Variants in TALDO1 observed in about 807,000 individuals in gnomAD.
TALDO1 encodes transaldolase.
In TALDO1, 29 loss-of-function variants were observed where a neutral mutation model predicts 38.1. The ratio of observed to expected loss-of-function variants is 0.76; its 90% CI spans 0.57 to 1.04. The LOEUF is 1.04. Among genes scored for constraint, TALDO1 ranks in the 50% least tolerant of loss-of-function variants. The pLI is 0.00. For missense variants in TALDO1, 499 were observed against 438.1 expected (o/e 1.14, Z -1.24); for synonymous variants, 207 against 176.8 (o/e 1.17, Z -1.36).
rs762549496 is a variant in TALDO1, at chr11:763,852, C to A, written c.743C>A (p.Ala248Asp). Reference protein sequence around the residue: ...FRNTGEIKALAGCDFLTISPK... With the variant: ...FRNTGEIKALDGCDFLTISPK... Reference sequence around the variant, plus strand: ...AACACGGGCGAGATCAAAGCACTGGCCGGCTGTGACTTCCTCACCATCTCA... The same window carrying A: ...AACACGGGCGAGATCAAAGCACTGGACGGCTGTGACTTCCTCACCATCTCA... The change falls in exon 6 of 8, where the codon GCC becomes GAC. Residue 248 changes from alanine (A) to aspartate (D), a missense_variant. Transcript: ENST00000319006. 5.1e-5 allele frequency: 82 copies of A among 1,613,894 alleles called. No individual in the cohort carries two copies. The highest frequency in any genetic ancestry group is 4.2e-6 in the Non-Finnish European group (5 of 1,180,038).
At chr11:762,357 CTT>C (rs1166838783) in intron 4 of TALDO1, among the ~76,000 whole-genome samples, 1 of 152,330 alleles carries the variant, frequency 6.6e-6, no homozygotes, top group African/African-American at 2.4e-5. Context: ...GTTTCCATCT[CTT>C]GAGCTGTGAT....
In TALDO1 at chr11:763,257, G is replaced by A. The variant is rs1228521439; in HGVS notation, c.462-87G>A. ...CCCGCCCCCGCCCTCACCCATCCCC[G>A]CCCTCACCGTCCCCGCCCTCACCCG... On this transcript the variant is annotated intron_variant, in intron 4 of 7. Coordinates refer to ENST00000319006, the MANE Select transcript of TALDO1 (RefSeq NM_006755.2). 13 of 91,036 alleles carry A rather than the reference G, an allele frequency of 1.4e-4. No individual in the cohort carries two copies. The African/African-American group carries it at 1.7e-3, about 12-fold the overall frequency. The allele number at this position is 91,036 out of a possible 1,614,324, so 5.6% of individuals were successfully genotyped here. A position where few individuals can be genotyped will look rare whatever the true frequency, so the allele number is the denominator to read the frequency against.
chr11:763,314 GCCCCGCCCTCA>G lies in TALDO1; in HGVS notation c.462-27_462-17del. On this transcript the variant is annotated intron_variant, in intron 4 of 7. Transcript: ENST00000319006. ...CCCTCACCTGTCCCCGCCCTCACCT[GCCCCGCCCTCA>G]CCTGTCCCCGCCCCGCAGGGAGCTC... 1 of 568,286 alleles carries G rather than the reference GCCCCGCCCTCA, an allele frequency of 1.8e-6. No individual in the cohort carries two copies. The allele number at this position is 568,286 out of a possible 1,614,324, so 35.2% of individuals were successfully genotyped here.
At chr11:764,032 T>G in intron 6 of TALDO1, 88 bp downstream of exon 6, 1 of 1,495,860 alleles carries the variant, frequency 6.7e-7, no homozygotes, top group Non-Finnish European at 9.0e-7. Flanking sequence ...CCCTCCCACC[T>G]GTGGGGCGAG....
chr11:749,224 G>A lies in TALDO1; in HGVS notation c.97+1646G>A, dbSNP rs1420160771. On this transcript the variant is annotated intron_variant, in intron 1 of 7. Coordinates refer to ENST00000319006, the MANE Select transcript of TALDO1 (RefSeq NM_006755.2). ...TCGAGACCAGCCTGACCAACATGGT[G>A]AAACCCCGTCTCTACTAAAAATACA... 1.8e-4 allele frequency among the ~76,000 whole-genome samples: 28 copies of A among 152,130 alleles called. No individual in the cohort carries two copies. In the East Asian group the frequency reaches 5.4e-3, roughly 29 times the overall value.
At position 747,516 on chromosome 11, in the gene TALDO1, A is replaced by C; in HGVS notation, c.35A>C (p.Glu12Ala). Residue 12 changes from glutamate (E) to alanine (A), a missense_variant, in exon 1 of 8, where the codon GAG (glutamate) becomes GCG (alanine). Glu to Ala is a moderately radical substitution (Grantham distance 107). Coordinates refer to ENST00000319006, the MANE Select transcript of TALDO1 (RefSeq NM_006755.2). ...SSSPVKRQRM[E>A]SALDQLKQFT... ...TCACCCGTGAAGCGTCAGAGGATGGAGTCCGCGCTGGACCAGCTCAAGCAG... is the reference window on the plus strand; with the variant it reads ...TCACCCGTGAAGCGTCAGAGGATGGCGTCCGCGCTGGACCAGCTCAAGCAG... The C allele has an allele frequency of 6.2e-7, 1 of 1,600,564 alleles. No individual in the cohort carries two copies. Among genetic ancestry groups the C allele is most frequent in the South Asian group, 1.1e-5 (1 of 89,072 alleles).
chr11:750,694 G>A (rs186991483), intron 1 of TALDO1, among the ~76,000 whole-genome samples: 41 of 152,014 alleles, frequency 2.7e-4, no homozygotes, highest in Admixed American at 6.6e-4. Context: ...GCGTGGTGGC[G>A]GGCGCCTGTA....
chr11:757,204 G>C (rs1384963225), intron 2 of TALDO1, among the ~76,000 whole-genome samples: 1 of 151,998 alleles, frequency 6.6e-6, no homozygotes, highest in Non-Finnish European at 1.5e-5. Context: ...AGGCCTTGGT[G>C]CTCCTGTTAT....
rs1048048191 is a variant in TALDO1 at position 764,804 on chromosome 11, T to TTG, written c.982-9_982-8insTG. 1.2e-6 allele frequency: 2 copies of TTG among 1,614,032 alleles called. No homozygotes were observed. Among genetic ancestry groups the TTG allele is most frequent in the African/African-American group, 2.7e-5 (2 of 74,918 alleles). On this transcript the variant is annotated splice_polypyrimidine_tract_variant and intron_variant, in intron 7 of 7. Transcript: ENST00000319006. ...GGGGAGACACAGCTCGTGCTCTGTT[T>TTG]GTTTCTAGGAACGAATGTTCAATGC...
rs758128567 is a variant in TALDO1 at position 747,497 on chromosome 11, G to A, written c.16G>A (p.Val6Met). 1 of 1,599,400 alleles carries A rather than the reference G, an allele frequency of 6.3e-7. No homozygotes were observed. Among genetic ancestry groups the A allele is most frequent in the South Asian group, 1.1e-5 (1 of 88,916 alleles). ...CGGTCTTGCTATGTCGAGCTCACCC[G>A]TGAAGCGTCAGAGGATGGAGTCCGC... is the stretch of plus-strand genomic sequence containing the variant. MSSSP[V>M]KRQRMESALD... Residue 6 changes from valine (V) to methionine (M), a missense_variant, in exon 1 of 8, where the codon GTG becomes ATG. By Grantham distance (21) the Val-to-Met change is conservative. Coordinates refer to ENST00000319006, the MANE Select transcript of TALDO1 (RefSeq NM_006755.2).
chr11:762,492 T>C (rs1862955231), intron 4 of TALDO1, among the ~76,000 whole-genome samples: 1 of 147,504 alleles, frequency 6.8e-6, no homozygotes, highest in South Asian at 2.1e-4. Context: ...GTCCTGGACA[T>C]GTGTTTTTGT....
chr11:760,170 C>T lies in TALDO1; in HGVS notation c.378C>T (p.Ile126=), dbSNP rs553335941. The T allele has an allele frequency of 1.5e-5, 25 of 1,614,168 alleles. No individual in the cohort carries two copies. The highest frequency in any genetic ancestry group is 5.0e-5 in the Admixed American group (3 of 60,024). Reference sequence around the variant, plus strand: ...TGGTGGCCAGAGCCAGGCGGCTCATCGAGCTCTACAAGGAAGCTGGGATCA... The same window carrying T: ...TGGTGGCCAGAGCCAGGCGGCTCATTGAGCTCTACAAGGAAGCTGGGATCA... ...DAMVARARRL[I]ELYKEAGISK... The change falls in exon 4 of 8, where the codon ATC becomes ATT. Residue 126 remains isoleucine, a synonymous_variant. Transcript: ENST00000319006.
At chr11:763,282 GCCCCCGCCC>G in intron 4 of TALDO1, 53 bp from the exon 5 acceptor site, 1 of 224,238 alleles carries the variant, frequency 4.5e-6, no homozygotes, top group Non-Finnish European at 8.1e-6. Context: ...GCCCTCACCC[GCCCCCGCCC>G]TCACCTGTCC....
At chr11:752,245 A>ATTT (rs757907105) in intron 1 of TALDO1, 32 of 134,374 alleles carry the variant, frequency 2.4e-4, no homozygotes, top group East Asian at 1.3e-3. Flanking sequence ...AATTTTTTGT[A>ATTT]TTTTTTTTTT....
In TALDO1 at chr11:764,870, A is replaced by G. The variant is rs1454035044; in HGVS notation, c.*25A>G. 6.2e-7 allele frequency: 1 copy of G among 1,613,898 alleles called. No homozygotes were observed. On this transcript the variant is annotated 3_prime_UTR_variant, in exon 8 of 8. Coordinates refer to ENST00000319006, the MANE Select transcript of TALDO1 (RefSeq NM_006755.2). ...GCGCATCCCTGAGGCTGGACTCCAGATCTGCACCGCCGGCCAGCTGGGATC... is the reference window on the plus strand; with the variant it reads ...GCGCATCCCTGAGGCTGGACTCCAGGTCTGCACCGCCGGCCAGCTGGGATC...
At chr11:762,585 A>G (rs1037658209) in intron 4 of TALDO1, among the ~76,000 whole-genome samples, 4 of 152,180 alleles carry the variant, frequency 2.6e-5, no homozygotes, top group Non-Finnish European at 5.9e-5. Flanking sequence ...CAGCTGTGCC[A>G]TCTGCTGTCC....
At chr11:759,673 G>A (rs796622252) in intron 3 of TALDO1, among the ~76,000 whole-genome samples, 4 of 151,308 alleles carry the variant, frequency 2.6e-5, no homozygotes, top group Admixed American at 6.6e-5. Flanking sequence ...TTCACCTCCC[G>A]GGTTCAAGCG....
intron 1 of TALDO1, among the ~76,000 whole-genome samples, chr11:749,868 C>G (rs186014605): frequency 4.7e-4 from 71 of 152,276 alleles, no homozygotes; most frequent in African/African-American, 1.6e-3. Context: ...AGTATAGATG[C>G]ACAACAGGCT....
intron 2 of TALDO1, among the ~76,000 whole-genome samples, chr11:756,640 C>G (rs1383561014): frequency 6.6e-6 from 1 of 151,866 alleles, no homozygotes; most frequent in East Asian, 1.9e-4. Flanking sequence ...CTCAGCCTGC[C>G]GAGCAGCTGG....
Sources: gnomAD v4.1 joint callset for allele counts (sites outside exome capture counted in the v4.1 genomes callset) on GRCh38, gnomAD v4.1.1 for gene constraint, MANE v1.5 for transcripts, NCBI Gene and HGNC (gene_info 2026-07-23, HGNC 2026-07-21) for gene names.